The following OPRM1 variants were observed in gnomAD, a reference collection of about 807,000 sequenced individuals.
The protein encoded by OPRM1 is opioid receptor mu 1.
In OPRM1, 27 loss-of-function variants were observed where a neutral mutation model predicts 31.8. The ratio of observed to expected loss-of-function variants is 0.85; its 90% CI spans 0.63 to 1.17. OPRM1 has a LOEUF of 1.17. Ranked by LOEUF, OPRM1 falls within the 50% of genes most tolerant of loss-of-function variation. OPRM1 has a pLI of 0.00. For synonymous variants in OPRM1, 196 were observed against 189.9 expected, an observed-to-expected ratio of 1.03 and a Z score of -0.26; for missense variants, 536 against 511.1, an observed-to-expected ratio of 1.05 and a Z score of -0.47.
intron 1 of OPRM1, among the ~76,000 whole-genome samples, chr6:154,075,236 G>T (rs1214273783): frequency 6.6e-6 from 1 of 152,082 alleles, no homozygotes; most frequent in Non-Finnish European, 1.5e-5. Context: ...TCTCTTAGAG[G>T]TTACATCCTC....
At chr6:154,240,921 A>C (rs928236721) in intron 3 of OPRM1, among the ~76,000 whole-genome samples, 2 of 152,186 alleles carry the variant, frequency 1.3e-5, no homozygotes, top group African/African-American at 4.8e-5. Context: ...AAACCTCTTC[A>C]GTTTGTCTAA....
At chr6:154,133,817 T>G (rs1365355308), downstream of OPRM1, among the ~76,000 whole-genome samples, 2 of 152,194 alleles carry the variant, frequency 1.3e-5, no homozygotes, top group Non-Finnish European at 2.9e-5. Context: ...TCCAAGTGCT[T>G]CATTCTCAAG....
intron 1 of OPRM1, among the ~76,000 whole-genome samples, chr6:154,022,560 A>C (rs185451088): frequency 6.1e-4 from 92 of 151,270 alleles, no homozygotes; most frequent in African/African-American, 2.0e-3. Context: ...TAAAGTTGAC[A>C]TGATATCATT....
At chr6:154,061,714 G>C (rs976254836) in intron 1 of OPRM1, among the ~76,000 whole-genome samples, 1 of 151,796 alleles carries the variant, frequency 6.6e-6, no homozygotes, top group Non-Finnish European at 1.5e-5. Flanking sequence ...CTTTTATCAG[G>C]CACTATGCTC....
At chr6:154,194,713 A>C (rs1562534157) in intron 3 of OPRM1, among the ~76,000 whole-genome samples, 1 of 152,182 alleles carries the variant, frequency 6.6e-6, no homozygotes, top group African/African-American at 2.4e-5. Flanking sequence ...TGTAAAATCT[A>C]AGTACTATGA....
rs186863550 is a variant in OPRM1 at position 154,021,879 on chromosome 6, C to T, written c.-1+10861C>T. On this transcript the variant is annotated intron_variant, in intron 1 of 5. Transcript: ENST00000434900. ...TTGGTCAACTCTTTCAGATTTTCTACATAGACAATCATGTCATCTGCAAAC... is the reference window on the plus strand; with the variant it reads ...TTGGTCAACTCTTTCAGATTTTCTATATAGACAATCATGTCATCTGCAAAC... 3.7e-4 allele frequency among the ~76,000 whole-genome samples: 56 copies of T among 151,944 alleles called. 1 individual carries two copies. Among genetic ancestry groups the T allele is most frequent in the African/African-American group, 1.3e-3 (55 of 41,222 alleles).
chr6:154,041,493 T>C (rs568192661), intron 1 of OPRM1, among the ~76,000 whole-genome samples: 2 of 151,988 alleles, frequency 1.3e-5, no homozygotes, highest in Admixed American at 1.3e-4. Flanking sequence ...CATAGAATCA[T>C]AAACTAATCA....
downstream of OPRM1, among the ~76,000 whole-genome samples, chr6:154,135,260 G>A (rs148252596): frequency 0.016 from 2,491 of 152,180 alleles, 33 homozygotes; most frequent in African/African-American, 0.027. Flanking sequence ...CCTGAGGTCC[G>A]GAGTTCAAGA....
At chr6:154,197,401 C>CA (rs1776702418) in intron 3 of OPRM1, among the ~76,000 whole-genome samples, 1 of 152,052 alleles carries the variant, frequency 6.6e-6, no homozygotes, top group Non-Finnish European at 1.5e-5. Context: ...GGAATTTAAC[C>CA]AAATCCCCAG....
At chr6:154,042,539 G>GCAA (rs1562390736) in intron 1 of OPRM1, among the ~76,000 whole-genome samples, 2 of 152,140 alleles carry the variant, frequency 1.3e-5, no homozygotes, top group East Asian at 1.9e-4. Context: ...GATGACTATG[G>GCAA]CAACAACAAC....
chr6:154,241,620 C>T (rs546690235), intron 3 of OPRM1, among the ~76,000 whole-genome samples: 5 of 152,182 alleles, frequency 3.3e-5, no homozygotes, highest in South Asian at 2.1e-4. Flanking sequence ...TTTTTATTTG[C>T]GTAGTGCGCC....
At chr6:154,134,703 GA>G (rs1427339390), downstream of OPRM1, among the ~76,000 whole-genome samples, 1 of 152,214 alleles carries the variant, frequency 6.6e-6, no homozygotes, top group Non-Finnish European at 1.5e-5. Flanking sequence ...GACTCAGATA[GA>G]AGGAGCGATC....
intron 1 of OPRM1, among the ~76,000 whole-genome samples, chr6:154,075,176 A>T (rs1787598247): frequency 6.6e-6 from 1 of 152,232 alleles, no homozygotes; most frequent in Non-Finnish European, 1.5e-5. Flanking sequence ...TGAATAGAGT[A>T]ACATTTTCAA....
chr6:154,211,738 T>C (rs1777980832), intron 3 of OPRM1, among the ~76,000 whole-genome samples: 1 of 152,240 alleles, frequency 6.6e-6, no homozygotes, highest in South Asian at 2.1e-4. Context: ...TCACTTTTAA[T>C]AGGTTGGTGC....
chr6:154,038,751 T>C (rs561114807), upstream of OPRM1, among the ~76,000 whole-genome samples: 1 of 152,356 alleles, frequency 6.6e-6, no homozygotes, highest in East Asian at 1.9e-4. Flanking sequence ...AGCTTCACCC[T>C]AGAAATTGGG....
chr6:154,039,414 G>T lies in OPRM1; in HGVS notation c.-131G>T. ...CTGACGCTCCTCTCTGTCTCAGCCA[G>T]GACTGGTTTCTGTAAGAAACAGCAG... On this transcript the variant is annotated 5_prime_UTR_variant, in exon 1 of 4. The change creates a new upstream start codon in the 5' untranslated region. Coordinates refer to ENST00000330432, the MANE Select transcript of OPRM1 (RefSeq NM_000914.5). 1.3e-6 allele frequency: 2 copies of T among 1,550,720 alleles called. No individual in the cohort carries two copies. The highest frequency in any genetic ancestry group is 1.7e-6 in the Non-Finnish European group (2 of 1,146,404).
At chr6:154,029,634 A>G (rs1038555835) in intron 1 of OPRM1, among the ~76,000 whole-genome samples, 2 of 152,196 alleles carry the variant, frequency 1.3e-5, no homozygotes, top group Non-Finnish European at 2.9e-5. Flanking sequence ...TTCTAAACAT[A>G]TGTTGGATGA....
intron 1 of OPRM1, among the ~76,000 whole-genome samples, chr6:154,057,131 A>T (rs1406749640): frequency 6.6e-6 from 1 of 152,194 alleles, no homozygotes; most frequent in Non-Finnish European, 1.5e-5. Flanking sequence ...TTTTCCCTAA[A>T]TTGAGCAGTT....
intron 1 of OPRM1, among the ~76,000 whole-genome samples, chr6:154,080,061 T>C (rs2128466234): frequency 6.6e-6 from 1 of 152,330 alleles, no homozygotes; most frequent in East Asian, 1.9e-4. Flanking sequence ...TTTATTTATT[T>C]TTATTGATAT....
Sources: gnomAD v4.1 joint callset for allele counts (sites outside exome capture counted in the v4.1 genomes callset) on GRCh38, gnomAD v4.1.1 for gene constraint, MANE v1.5 for transcripts, NCBI Gene and HGNC (gene_info 2026-07-23, HGNC 2026-07-21) for gene names.